Variants in THSD7B observed in about 807,000 individuals in gnomAD.
THSD7B encodes thrombospondin type-1 domain-containing protein 7B.
A neutral mutation model predicts 213.6 loss-of-function variants in THSD7B; 138 were observed. The observed-to-expected ratio is 0.65, with a 90% CI of 0.56 to 0.74. The LOEUF (loss-of-function observed/expected upper bound fraction) is 0.74, where lower values mean the gene tolerates loss of function less well. Ranked by LOEUF, THSD7B falls within the 30% of genes least tolerant of loss-of-function variation. The pLI is 0.00. For synonymous variants in THSD7B, 742 were observed against 687.0 expected, an observed-to-expected ratio of 1.08 and a Z score of -1.25; for missense variants, 1,931 against 1,991.5, an observed-to-expected ratio of 0.97 and a Z score of 0.58.
intron 4 of THSD7B, among the ~76,000 whole-genome samples, chr2:137,108,856 A>C (rs1454386952): frequency 6.6e-6 from 1 of 152,182 alleles, no homozygotes; most frequent in Non-Finnish European, 1.5e-5. Context: ...GGTAGGAGGT[A>C]AATGAAGAAA....
At chr2:136,817,796 A>G (rs1021840321) in intron 1 of THSD7B, among the ~76,000 whole-genome samples, 1 of 149,938 alleles carries the variant, frequency 6.7e-6, no homozygotes, top group African/African-American at 2.4e-5. Context: ...ACATGAAAAA[A>G]TGCTCATCAT....
chr2:137,090,740 C>G (rs1188028674), intron 3 of THSD7B, among the ~76,000 whole-genome samples: 2 of 152,128 alleles, frequency 1.3e-5, no homozygotes, highest in African/African-American at 4.8e-5. Context: ...ATTTTCATTT[C>G]TGTGTGTGGA....
At chr2:137,471,328 GT>G (rs1489300448) in intron 15 of THSD7B, among the ~76,000 whole-genome samples, 2 of 152,096 alleles carry the variant, frequency 1.3e-5, no homozygotes, top group Admixed American at 1.3e-4. Flanking sequence ...TGTTTAAATT[GT>G]TAAGTTATAA....
intron 16 of THSD7B, among the ~76,000 whole-genome samples, chr2:137,565,779 C>G (rs1345566193): frequency 1.3e-5 from 2 of 152,090 alleles, no homozygotes; most frequent in African/African-American, 2.4e-5. Flanking sequence ...TCAGGTCTTT[C>G]TTTTTCTGTT....
intron 25 of THSD7B, among the ~76,000 whole-genome samples, 160 bp downstream of exon 25, chr2:137,659,906 C>T (rs570920226): frequency 1.1e-3 from 166 of 152,332 alleles, no homozygotes; most frequent in Non-Finnish European, 2.2e-3. Context: ...TAAAGAATTT[C>T]TCGTCAGGAC....
chr2:137,299,731 G>A (rs1177386738), intron 12 of THSD7B, among the ~76,000 whole-genome samples: 1 of 152,088 alleles, frequency 6.6e-6, no homozygotes, highest in Non-Finnish European at 1.5e-5. Flanking sequence ...GGCTTAACCG[G>A]CTGTTAAACG....
At chr2:137,114,871 A>C (rs970102733) in intron 4 of THSD7B, among the ~76,000 whole-genome samples, 9 of 151,398 alleles carry the variant, frequency 5.9e-5, no homozygotes, top group Non-Finnish European at 1.0e-4. Flanking sequence ...AGACACACTC[A>C]CTGTTTATCC....
At chr2:137,104,706 T>C (rs186334993) in intron 4 of THSD7B, among the ~76,000 whole-genome samples, 236 of 151,876 alleles carry the variant, frequency 1.6e-3, no homozygotes, top group African/African-American at 5.0e-3. Context: ...ATAGACATAA[T>C]AAAAAATGAT....
chr2:137,031,401 A>G (rs1460105703), intron 2 of THSD7B, among the ~76,000 whole-genome samples: 3 of 152,148 alleles, frequency 2.0e-5, no homozygotes, highest in African/African-American at 7.2e-5. Context: ...ATATAGACAT[A>G]TCATTGTCTT....
chr2:137,595,882 T>A (rs1481025550), intron 17 of THSD7B, among the ~76,000 whole-genome samples: 2 of 151,884 alleles, frequency 1.3e-5, no homozygotes, highest in Admixed American at 1.3e-4. Flanking sequence ...GTAATTCAAA[T>A]CATTAAATAG....
At chr2:137,443,959 A>G (rs1436515925) in intron 14 of THSD7B, among the ~76,000 whole-genome samples, 1 of 152,034 alleles carries the variant, frequency 6.6e-6, no homozygotes, top group Non-Finnish European at 1.5e-5. Flanking sequence ...TAAATGAGAT[A>G]TTTTGTTTGC....
chr2:137,427,470 C>T (rs1227083704), intron 14 of THSD7B, among the ~76,000 whole-genome samples: 2 of 151,252 alleles, frequency 1.3e-5, no homozygotes, highest in African/African-American at 2.4e-5. Context: ...GCTTGTGTGT[C>T]TGTGTGTGTG....
chr2:136,780,869 G>T (rs1018013154), intron 1 of THSD7B, among the ~76,000 whole-genome samples: 4 of 152,194 alleles, frequency 2.6e-5, no homozygotes, highest in African/African-American at 9.7e-5. Flanking sequence ...ACAGAGAGGT[G>T]TAAAACAGGC....
intron 1 of THSD7B, among the ~76,000 whole-genome samples, chr2:136,859,854 A>G (rs981334896): frequency 1.3e-5 from 2 of 152,188 alleles, no homozygotes; most frequent in Admixed American, 6.5e-5. Context: ...TAGCTGAACT[A>G]CAATGGAATG....
intron 10 of THSD7B, among the ~76,000 whole-genome samples, chr2:137,243,176 G>A (rs78390488): frequency 0.017 from 2,617 of 152,258 alleles, 76 homozygotes; most frequent in African/African-American, 0.06. Flanking sequence ...ATATGCTAAA[G>A]TGATCCCCTC....
intron 14 of THSD7B, among the ~76,000 whole-genome samples, chr2:137,443,352 C>G (rs1366043720): frequency 2.0e-5 from 3 of 152,016 alleles, no homozygotes; most frequent in African/African-American, 7.2e-5. Context: ...TAGCCAAATC[C>G]TGTGTGTACC....
At chr2:137,507,483 T>G (rs1679862626) in intron 15 of THSD7B, among the ~76,000 whole-genome samples, 1 of 152,164 alleles carries the variant, frequency 6.6e-6, no homozygotes, top group South Asian at 2.1e-4. Context: ...AGCAGCTAGC[T>G]TTGCCACTTA....
intron 2 of THSD7B, among the ~76,000 whole-genome samples, chr2:136,888,470 A>G (rs1683758233): frequency 6.6e-6 from 1 of 152,148 alleles, no homozygotes; most frequent in Non-Finnish European, 1.5e-5. Context: ...TAGGAATTTT[A>G]GAGAAAATAA....
intron 21 of THSD7B, among the ~76,000 whole-genome samples, chr2:137,650,494 GT>G (rs1338982774): frequency 6.6e-6 from 1 of 152,080 alleles, no homozygotes; most frequent in African/African-American, 2.4e-5. Flanking sequence ...GAGCCTTTAG[GT>G]TTTTGTAAGT....
Sources: gnomAD v4.1 joint callset for allele counts (sites outside exome capture counted in the v4.1 genomes callset) on GRCh38, gnomAD v4.1.1 for gene constraint, MANE v1.5 for transcripts, NCBI Gene and HGNC (gene_info 2026-07-23, HGNC 2026-07-21) for gene names.